GPC6: variants seen among roughly 807,000 people sequenced by gnomAD.
GPC6 encodes the protein glypican-6.
Under a neutral mutation model 55.2 loss-of-function variants are expected in GPC6, and 14 were observed. The ratio of observed to expected loss-of-function variants is 0.25; its 90% CI spans 0.17 to 0.40. The LOEUF (loss-of-function observed/expected upper bound fraction) is 0.40, where lower values mean the gene tolerates loss of function less well. Ranked by LOEUF, GPC6 falls within the 10% of genes least tolerant of loss-of-function variation. The probability of loss-of-function intolerance (pLI) is 1.00; values close to 1 mark genes in which losing one functional copy is unlikely to be tolerated. For synonymous variants in GPC6, 278 were observed against 259.6 expected (o/e 1.07, Z -0.68); for missense variants, 641 against 708.5 (o/e 0.90, Z 1.08).
At chr13:93,983,714 A>G (rs1353271232) in intron 3 of GPC6, among the ~76,000 whole-genome samples, 1 of 152,134 alleles carries the variant, frequency 6.6e-6, no homozygotes, top group Non-Finnish European at 1.5e-5. Context: ...AGAACTATTC[A>G]AAACTCCAAA....
chr13:93,455,413 A>G (rs1032144611), intron 1 of GPC6, among the ~76,000 whole-genome samples: 4 of 152,046 alleles, frequency 2.6e-5, no homozygotes, highest in Non-Finnish European at 4.4e-5. Flanking sequence ...ATCAACTAAC[A>G]AATCTGGAGC....
intron 2 of GPC6, among the ~76,000 whole-genome samples, chr13:93,647,247 C>G (rs569641493): frequency 1.3e-5 from 2 of 152,186 alleles, no homozygotes; most frequent in Non-Finnish European, 2.9e-5. Context: ...TTATAAAATG[C>G]ATTTTATAAT....
chr13:93,544,034 T>C (rs978139358), intron 1 of GPC6, among the ~76,000 whole-genome samples: 4 of 152,114 alleles, frequency 2.6e-5, no homozygotes, highest in Non-Finnish European at 5.9e-5. Flanking sequence ...CACAGTGATT[T>C]TGATTTGCAT....
intron 4 of GPC6, among the ~76,000 whole-genome samples, chr13:94,116,981 T>TC (rs545520999): frequency 2.6e-5 from 4 of 151,910 alleles, no homozygotes; most frequent in South Asian, 2.1e-4. Context: ...GGGGTTCTTT[T>TC]CCCCCCCAAA....
chr13:94,049,391 G>A (rs1181434419), intron 4 of GPC6, among the ~76,000 whole-genome samples: 1 of 152,194 alleles, frequency 6.6e-6, no homozygotes, highest in East Asian at 1.9e-4. Flanking sequence ...TTGAAGAGTG[G>A]CATCTATGGA....
At chr13:93,911,776 A>G (rs1391154284) in intron 3 of GPC6, among the ~76,000 whole-genome samples, 3 of 152,226 alleles carry the variant, frequency 2.0e-5, no homozygotes, top group South Asian at 2.1e-4. Flanking sequence ...TAAAAATTCA[A>G]TGAGAAGTTT....
At chr13:93,696,245 T>C (rs974720724) in intron 2 of GPC6, among the ~76,000 whole-genome samples, 1 of 152,162 alleles carries the variant, frequency 6.6e-6, no homozygotes, top group East Asian at 1.9e-4. Context: ...GAAAGCATCA[T>C]TTCCAACTGA....
chr13:93,403,769 CA>C (rs971843223), intron 1 of GPC6, among the ~76,000 whole-genome samples: 10 of 152,070 alleles, frequency 6.6e-5, no homozygotes, highest in Non-Finnish European at 1.3e-4. Context: ...TGAGTTTAAT[CA>C]AGCTAATTTT....
chr13:94,245,019 C>A (rs1891156504), intron 4 of GPC6, among the ~76,000 whole-genome samples: 1 of 152,004 alleles, frequency 6.6e-6, no homozygotes, highest in African/African-American at 2.4e-5. Context: ...TCCCTGCCTA[C>A]CCCATGGTGT....
At chr13:94,135,158 A>C (rs1309971169) in intron 4 of GPC6, among the ~76,000 whole-genome samples, 1 of 151,894 alleles carries the variant, frequency 6.6e-6, no homozygotes, top group African/African-American at 2.4e-5. Flanking sequence ...ATCACAGGAC[A>C]CCTACAAAAT....
chr13:93,512,820 A>G (rs1047114123), intron 1 of GPC6, among the ~76,000 whole-genome samples: 7 of 152,156 alleles, frequency 4.6e-5, no homozygotes, highest in Non-Finnish European at 1.0e-4. Flanking sequence ...TTATCTAGAT[A>G]TTAAACAATA....
intron 2 of GPC6, among the ~76,000 whole-genome samples, chr13:93,593,541 A>G (rs1452203487): frequency 1.3e-5 from 2 of 152,174 alleles, no homozygotes; most frequent in Non-Finnish European, 1.5e-5. Flanking sequence ...TTCTCTTTAA[A>G]TAATAAACTA....
intron 4 of GPC6, among the ~76,000 whole-genome samples, chr13:94,192,388 AGAGT>A (rs1340021583): frequency 1.3e-5 from 2 of 152,188 alleles, no homozygotes; most frequent in Admixed American, 6.5e-5. Context: ...ATAATAGCCC[AGAGT>A]GTGTGGCTCC....
At chr13:93,743,370 C>G (rs184538553) in intron 2 of GPC6, among the ~76,000 whole-genome samples, 1 of 151,986 alleles carries the variant, frequency 6.6e-6, no homozygotes, top group African/African-American at 2.4e-5. Context: ...AATTAAAAAA[C>G]GATATAATGT....
At chr13:93,711,128 C>G (rs1883042316) in intron 2 of GPC6, among the ~76,000 whole-genome samples, 1 of 151,674 alleles carries the variant, frequency 6.6e-6, no homozygotes. Flanking sequence ...AGGAGTAAAG[C>G]CTTCCAAGTT....
rs117114156 is a variant in GPC6 at position 94,070,552 on chromosome 13, C to T, written c.877+42658C>T. Among the ~76,000 whole-genome samples, 189 of 152,220 alleles carry T rather than the reference C, an allele frequency of 1.2e-3. 2 individuals carry two copies. Among genetic ancestry groups the T allele is most frequent in the Middle Eastern group, 6.8e-3 (2 of 294 alleles). ...TCTGGGAACTATGCTACGTGAGGTA[C>T]CATGGAAGCATTTAAATATATTTTC... On this transcript the variant is annotated intron_variant, in intron 4 of 8. Transcript: ENST00000377047.
chr13:93,601,323 C>T (rs190419157), intron 2 of GPC6, among the ~76,000 whole-genome samples: 1 of 152,098 alleles, frequency 6.6e-6, no homozygotes. Flanking sequence ...GTGGAGGTTG[C>T]AGTGAGCCAA....
At chr13:93,492,668 T>A (rs1880069348) in intron 1 of GPC6, among the ~76,000 whole-genome samples, 1 of 151,024 alleles carries the variant, frequency 6.6e-6, no homozygotes, top group Non-Finnish European at 1.5e-5. Context: ...TTGTCATAGA[T>A]AGCTCTTATT....
intron 2 of GPC6, among the ~76,000 whole-genome samples, chr13:93,759,820 C>A (rs1884899862): frequency 6.6e-6 from 1 of 151,958 alleles, no homozygotes; most frequent in African/African-American, 2.4e-5. Flanking sequence ...GTAGGCTGTT[C>A]TTGGGGACAC....
Sources: allele counts gnomAD v4.1 joint callset (sites outside exome capture counted in the v4.1 genomes callset), GRCh38; gene constraint gnomAD v4.1.1; transcripts MANE v1.5; gene names NCBI Gene and HGNC (gene_info 2026-07-23, HGNC 2026-07-21).